SHISA9: variants seen among roughly 807,000 people sequenced by gnomAD.
The protein encoded by SHISA9 is shisa family member 9, also known as protein shisa-9.
In SHISA9, 13 loss-of-function variants were observed where a neutral mutation model predicts 38.0. The observed-to-expected ratio is 0.34, with a 90% CI of 0.22 to 0.54. SHISA9 has a LOEUF of 0.54. Among genes scored for constraint, SHISA9 ranks in the 20% least tolerant of loss-of-function variants. SHISA9 has a pLI of 0.91. For synonymous variants in SHISA9, 275 were observed against 242.0 expected (o/e 1.14, Z -1.27); for missense variants, 538 against 575.8 (o/e 0.93, Z 0.67).
chr16:13,153,947 G>A (rs2050521189), intron 2 of SHISA9, among the ~76,000 whole-genome samples: 1 of 151,360 alleles, frequency 6.6e-6, no homozygotes, highest in Non-Finnish European at 1.5e-5. Flanking sequence ...ACAGATCTGA[G>A]GGCTGGGATG....
At chr16:13,009,505 T>C (rs1202294990) in intron 2 of SHISA9, among the ~76,000 whole-genome samples, 1 of 152,164 alleles carries the variant, frequency 6.6e-6, no homozygotes, top group Non-Finnish European at 1.5e-5. Flanking sequence ...TCCTCATTTA[T>C]TTTCAACACT....
chr16:12,910,513 A>G, intron 1 of SHISA9: 2 of 985,454 alleles, frequency 2.0e-6, no homozygotes, highest in Non-Finnish European at 2.4e-6. Context: ...TACTGGTTCT[A>G]GTACTAGCTT....
Position 13,085,002 on chromosome 16 carries a change from A to C in SHISA9, c.692-118392A>C, listed in dbSNP as rs866565154. On this transcript the variant is annotated intron_variant, in intron 2 of 4. Transcript: ENST00000558583. ...GAGGATGGAGATTCAGTTCTTTAAT[A>C]AAAGGGAAGACATAAAGTGAAGGTA... Among the ~76,000 whole-genome samples, 23 of 152,274 alleles carry C rather than the reference A, an allele frequency of 1.5e-4. No individual in the cohort carries two copies. The South Asian group carries it at 1.7e-3, about 11-fold the overall frequency.
the SHISA9 span, among the ~76,000 whole-genome samples, chr16:13,450,110 CTG>C: frequency 6.6e-6 from 1 of 152,050 alleles, no homozygotes; most frequent in African/African-American, 2.4e-5. Flanking sequence ...GAGGGAGACT[CTG>C]TGTAAAAAAA....
At chr16:13,060,995 A>C (rs1164745917) in intron 2 of SHISA9, among the ~76,000 whole-genome samples, 1 of 152,070 alleles carries the variant, frequency 6.6e-6, no homozygotes, top group Non-Finnish European at 1.5e-5. Context: ...TGTCCCCTCC[A>C]AGGCATGGTG....
chr16:13,126,895 T>A (rs1596666557), intron 2 of SHISA9, among the ~76,000 whole-genome samples: 5 of 50,806 alleles, frequency 9.8e-5, no homozygotes, highest in Admixed American at 2.7e-4. Flanking sequence ...AGGAGGAGAC[T>A]GAAAGAAGGA....
At chr16:13,364,905 G>A in the SHISA9 span, among the ~76,000 whole-genome samples, 1 of 152,110 alleles carries the variant, frequency 6.6e-6, no homozygotes, top group Non-Finnish European at 1.5e-5. Flanking sequence ...GAACAATTAG[G>A]GATGAGGAAA....
chr16:13,304,320 A>T, the SHISA9 span, among the ~76,000 whole-genome samples: 1 of 152,240 alleles, frequency 6.6e-6, no homozygotes, highest in Non-Finnish European at 1.5e-5. Context: ...GTGTAGTAGC[A>T]TGATCACGGC....
the SHISA9 span, among the ~76,000 whole-genome samples, chr16:13,507,819 C>A: frequency 6.6e-6 from 1 of 152,162 alleles, no homozygotes; most frequent in Non-Finnish European, 1.5e-5. Flanking sequence ...TGTTTGAAGG[C>A]TAGAAATGGG....
intron 2 of SHISA9, among the ~76,000 whole-genome samples, chr16:12,988,442 G>A (rs901626648): frequency 2.6e-5 from 4 of 152,032 alleles, no homozygotes; most frequent in African/African-American, 9.7e-5. Context: ...TCTCAGACAG[G>A]GTCTCTCCCC....
chr16:13,356,150 G>T, the SHISA9 span, among the ~76,000 whole-genome samples: 1 of 152,182 alleles, frequency 6.6e-6, no homozygotes, highest in Non-Finnish European at 1.5e-5. Flanking sequence ...GCAAGGAATT[G>T]CAACTTTTTT....
the SHISA9 span, among the ~76,000 whole-genome samples, chr16:13,546,110 G>C: frequency 1.3e-5 from 2 of 152,144 alleles, no homozygotes; most frequent in Non-Finnish European, 2.9e-5. Context: ...TGTCTTTGGA[G>C]ATGTCTTTGT....
At chr16:12,909,487 G>A in intron 1 of SHISA9, 3 of 985,430 alleles carry the variant, frequency 3.0e-6, no homozygotes, top group Non-Finnish European at 3.6e-6. Flanking sequence ...GTTCTGTTTG[G>A]AAATATTGGT....
At chr16:12,983,709 C>T (rs746361658) in intron 2 of SHISA9, among the ~76,000 whole-genome samples, 7 of 152,150 alleles carry the variant, frequency 4.6e-5, no homozygotes, top group East Asian at 1.9e-4. Flanking sequence ...AGGATGGTCT[C>T]GATCTCCTGA....
the SHISA9 span, among the ~76,000 whole-genome samples, chr16:13,431,676 G>A: frequency 0.4 from 60,497 of 152,020 alleles, 12,224 homozygotes; most frequent in Non-Finnish European, 0.41. Context: ...GTAGCTTCTG[G>A]ACTGACTCAG....
Position 13,178,749 on chromosome 16 carries a change from C to T in SHISA9, c.692-24645C>T, listed in dbSNP as rs1157930999. On this transcript the variant is annotated intron_variant, in intron 2 of 4. Transcript: ENST00000558583. ...ACCACATTTGAAAATAGTAATATTT[C>T]CCAGAGAGCAGAAGATGATGGGGAG... 2.0e-5 allele frequency among the ~76,000 whole-genome samples: 3 copies of T among 152,126 alleles called. No individual in the cohort carries two copies. The East Asian group carries it at 5.8e-4, about 29-fold the overall frequency.
In SHISA9 at chr16:12,906,601, C is replaced by T. The variant is rs188427526; in HGVS notation, c.563+3974C>T. On this transcript the variant is annotated intron_variant, in intron 1 of 4. Coordinates refer to ENST00000558583, the MANE Select transcript of SHISA9 (RefSeq NM_001145204.3). ...AGCTATGGATACCAAACCATGTAGT[C>T]ATGCTTTGCTTGATCTGCAAGGTAT... 2.2e-3 allele frequency among the ~76,000 whole-genome samples: 329 copies of T among 152,304 alleles called. 3 individuals are homozygous for T. Among genetic ancestry groups the T allele is most frequent in the African/African-American group, 7.7e-3 (318 of 41,562 alleles).
the SHISA9 span, among the ~76,000 whole-genome samples, chr16:13,400,760 T>C: frequency 6.6e-6 from 1 of 152,220 alleles, no homozygotes; most frequent in African/African-American, 2.4e-5. Context: ...TTGGATCACA[T>C]TGACCCCCAA....
the SHISA9 span, among the ~76,000 whole-genome samples, chr16:13,560,576 G>A: frequency 6.6e-6 from 1 of 152,124 alleles, no homozygotes; most frequent in African/African-American, 2.4e-5. Flanking sequence ...ATTGTTAATT[G>A]TTTTAAAGAA....
Sources: gnomAD v4.1 joint callset for allele counts (sites outside exome capture counted in the v4.1 genomes callset) on GRCh38, gnomAD v4.1.1 for gene constraint, MANE v1.5 for transcripts, NCBI Gene and HGNC (gene_info 2026-07-23, HGNC 2026-07-21) for gene names.